The following LIMA1 variants were observed in gnomAD, a reference collection of about 807,000 sequenced individuals.
LIMA1 encodes the protein LIM domain and actin binding 1.
In LIMA1, 52 loss-of-function variants were observed where a neutral mutation model predicts 62.6. That is an observed-to-expected ratio of 0.83 (90% CI 0.67 to 1.05). LIMA1 has a LOEUF of 1.05. Among genes scored for constraint, LIMA1 ranks in the 50% least tolerant of loss-of-function variants. The pLI, the probability that LIMA1 is intolerant of heterozygous loss-of-function variation, is 0.00. For missense variants in LIMA1, 780 were observed against 902.2 expected, an observed-to-expected ratio of 0.86 and a Z score of 1.74; for synonymous variants, 302 against 317.8, an observed-to-expected ratio of 0.95 and a Z score of 0.53.
chr12:50,255,162 C>CT (rs1334871138), intron 1 of LIMA1, among the ~76,000 whole-genome samples: 2 of 151,906 alleles, frequency 1.3e-5, no homozygotes, highest in African/African-American at 4.8e-5. Flanking sequence ...GGCCTCCTCT[C>CT]TTTTTTTTCT....
chr12:50,200,744 C>G (rs1204989113), intron 7 of LIMA1, 33 bp downstream of exon 7: 1 of 1,610,086 alleles, frequency 6.2e-7, no homozygotes, highest in Non-Finnish European at 8.5e-7. Context: ...CACATGCTTC[C>G]TTGGCAACTG....
At chr12:50,253,872 C>CA (rs1941960043) in intron 1 of LIMA1, among the ~76,000 whole-genome samples, 1 of 151,320 alleles carries the variant, frequency 6.6e-6, no homozygotes, top group South Asian at 2.1e-4. Flanking sequence ...ACTAAACATA[C>CA]AAAAAATTAG....
intron 8 of LIMA1, among the ~76,000 whole-genome samples, chr12:50,193,978 C>CAT (rs200634034): frequency 0.011 from 1,149 of 106,928 alleles, 16 homozygotes; most frequent in Middle Eastern, 0.014. Context: ...CATATATATA[C>CAT]ATATATATAT....
At chr12:50,221,424 G>A (rs934050684) in intron 4 of LIMA1, among the ~76,000 whole-genome samples, 2 of 152,204 alleles carry the variant, frequency 1.3e-5, no homozygotes, top group South Asian at 2.1e-4. Context: ...TTCATTAGCA[G>A]TTGTAGGAAA....
intron 4 of LIMA1, among the ~76,000 whole-genome samples, chr12:50,214,051 C>CACACACAT (rs55904917): frequency 2.5e-4 from 38 of 149,974 alleles, no homozygotes; most frequent in Admixed American, 1.2e-3. Flanking sequence ...CACACACACA[C>CACACACAT]GAGATTACTC....
chr12:50,213,157 GC>G (rs1277770541), intron 4 of LIMA1, among the ~76,000 whole-genome samples: 1 of 152,158 alleles, frequency 6.6e-6, no homozygotes, highest in African/African-American at 2.4e-5. Context: ...TAACTCCAGT[GC>G]TTTCATTCAT....
At chr12:50,267,578 G>C (rs900671124) in intron 1 of LIMA1, among the ~76,000 whole-genome samples, 2 of 150,972 alleles carry the variant, frequency 1.3e-5, no homozygotes, top group African/African-American at 4.9e-5. Flanking sequence ...GGAGTGCAGT[G>C]GTGCAATTTT....
rs920463182 is a variant in LIMA1 at position 50,223,993 on chromosome 12, G to A, written c.166-1508C>T. Among the ~76,000 whole-genome samples, 10 of 151,928 alleles carry A rather than the reference G, an allele frequency of 6.6e-5. No homozygotes were observed. The South Asian group carries it at 1.9e-3, about 28-fold the overall frequency. ...GCGGAGGTTGCAGTGAGCCCAAATC[G>A]CGCCACTGCACTCCAGTCCGGGTGA... On this transcript the variant is annotated intron_variant, in intron 3 of 10. Coordinates refer to ENST00000341247, the MANE Select transcript of LIMA1 (RefSeq NM_016357.5).
intron 2 of LIMA1, among the ~76,000 whole-genome samples, chr12:50,247,089 G>A (rs1239076586): frequency 6.6e-6 from 1 of 151,978 alleles, no homozygotes; most frequent in Middle Eastern, 3.2e-3. Flanking sequence ...TGAGCTGTGT[G>A]GTCACACCAC....
At chr12:50,248,934 G>A (rs1259365983) in intron 1 of LIMA1, among the ~76,000 whole-genome samples, 160 bp from the exon 2 acceptor site, 1 of 152,162 alleles carries the variant, frequency 6.6e-6, no homozygotes, top group Non-Finnish European at 1.5e-5. Context: ...ATATCTTTGG[G>A]TTGTGGTTTC....
At chr12:50,190,660 G>T (rs1256343930) in intron 9 of LIMA1, among the ~76,000 whole-genome samples, 1 of 140,640 alleles carries the variant, frequency 7.1e-6, no homozygotes, top group Admixed American at 7.3e-5. Flanking sequence ...GATTACAGGC[G>T]TGAGCCACCA....
chr12:50,246,584 G>A (rs1465217077), intron 2 of LIMA1, among the ~76,000 whole-genome samples: 2 of 151,954 alleles, frequency 1.3e-5, no homozygotes, highest in African/African-American at 2.4e-5. Context: ...CTAAAATACC[G>A]GTCTGATCAT....
chr12:50,193,609 T>TATATATG, intron 8 of LIMA1, among the ~76,000 whole-genome samples: 1 of 126,190 alleles, frequency 7.9e-6, no homozygotes, highest in Admixed American at 8.3e-5. Flanking sequence ...TATATACATG[T>TATATATG]ATATATATAT....
chr12:50,180,878 C>G (rs554166704), intron 10 of LIMA1, among the ~76,000 whole-genome samples: 2 of 151,836 alleles, frequency 1.3e-5, no homozygotes, highest in Admixed American at 6.6e-5. Flanking sequence ...TTTGGGAGGC[C>G]GAGGCGGGTG....
At chr12:50,198,415 G>A (rs1440963801) in intron 7 of LIMA1, among the ~76,000 whole-genome samples, 1 of 152,138 alleles carries the variant, frequency 6.6e-6, no homozygotes, top group African/African-American at 2.4e-5. Flanking sequence ...TTAGCCAGAT[G>A]TGGTGGTGCA....
intron 3 of LIMA1, among the ~76,000 whole-genome samples, chr12:50,228,346 A>G (rs930745744): frequency 1.3e-5 from 2 of 152,092 alleles, no homozygotes; most frequent in African/African-American, 4.8e-5. Context: ...ACCTAGTCCA[A>G]TTCAGGCCTC....
intron 6 of LIMA1, chr12:50,201,875 G>A (rs1198356870): frequency 1.3e-5 from 2 of 152,092 alleles, no homozygotes; most frequent in Admixed American, 6.6e-5. Flanking sequence ...TCCAGCCTGG[G>A]GAACAAGAGT....
At chr12:50,228,466 A>G (rs1046840030) in intron 3 of LIMA1, among the ~76,000 whole-genome samples, 8 of 152,162 alleles carry the variant, frequency 5.3e-5, no homozygotes, top group Admixed American at 1.3e-4. Context: ...CTCCCCTTCT[A>G]GAAACACTTT....
intron 1 of LIMA1, among the ~76,000 whole-genome samples, chr12:50,261,042 A>ATATTTTTTTTTTTTTTTTTTTT (rs1383547189): frequency 3.7e-5 from 2 of 54,296 alleles, no homozygotes; most frequent in Admixed American, 3.4e-4. Flanking sequence ...CATCTAGTAT[A>ATATTTTTTTTTTTTTTTTTTTT]TTTTTTTTTT....
Sources: gnomAD v4.1 joint callset for allele counts (sites outside exome capture counted in the v4.1 genomes callset) on GRCh38, gnomAD v4.1.1 for gene constraint, MANE v1.5 for transcripts, NCBI Gene and HGNC (gene_info 2026-07-23, HGNC 2026-07-21) for gene names.